Variants in TANC1 observed in about 807,000 individuals in gnomAD.
TANC1 encodes protein TANC1.
In TANC1, 77 loss-of-function variants were observed where a neutral mutation model predicts 149.7. The ratio of observed to expected loss-of-function variants is 0.51; its 90% CI spans 0.43 to 0.62. TANC1 has a LOEUF of 0.62. Among genes scored for constraint, TANC1 ranks in the 20% least tolerant of loss-of-function variants. The pLI is 0.00. For synonymous variants in TANC1, 854 were observed against 925.0 expected (o/e 0.92, Z 1.39); for missense variants, 1,985 against 2,321.8 (o/e 0.85, Z 2.98).
chr2:159,105,271 G>C (rs997149685), intron 4 of TANC1, among the ~76,000 whole-genome samples: 15 of 151,946 alleles, frequency 9.9e-5, no homozygotes, highest in Non-Finnish European at 1.9e-4. Context: ...TGGGATTACA[G>C]GCATGAGCCA....
In TANC1 at chr2:159,172,163, C is replaced by T; in HGVS notation, c.1394C>T (p.Ser465Leu). Residue 465 changes from serine (S) to leucine (L), a missense_variant, in exon 11 of 27, where the codon TCA becomes TTA. Coordinates refer to ENST00000263635, the MANE Select transcript of TANC1 (RefSeq NM_033394.3). ...GATCTTCATTTCACTCCGTTGCTTT[C>T]ACCGAGTTCTTCCACAAGTGCTTCC... ...TQDLHFTPLL[S>L]PSSSTSASST... is the part of the protein sequence containing the mutation. The T allele has an allele frequency of 1.9e-6, 3 of 1,614,212 alleles. No individual in the cohort carries two copies. Among genetic ancestry groups the T allele is most frequent in the Non-Finnish European group, 2.5e-6 (3 of 1,180,024 alleles).
At chr2:159,097,283 G>C (rs891925819) in intron 3 of TANC1, among the ~76,000 whole-genome samples, 1 of 152,200 alleles carries the variant, frequency 6.6e-6, no homozygotes, top group East Asian at 1.9e-4. Context: ...CTCATGTAAG[G>C]CTAGTAAGCC....
intron 14 of TANC1, among the ~76,000 whole-genome samples, chr2:159,180,418 G>A (rs35614068): frequency 0.02 from 2,984 of 152,328 alleles, 43 homozygotes; most frequent in Non-Finnish European, 0.032. Context: ...TTGTTACTGG[G>A]TTGGAGGCTA....
chr2:159,120,165 C>G (rs557744916), intron 4 of TANC1, among the ~76,000 whole-genome samples: 49 of 152,226 alleles, frequency 3.2e-4, no homozygotes, highest in African/African-American at 1.2e-3. Context: ...GGAGTTGAGT[C>G]TGCTGGGGGA....
chr2:159,216,499 C>T (rs998684964), intron 19 of TANC1, among the ~76,000 whole-genome samples: 46 of 152,140 alleles, frequency 3.0e-4, no homozygotes, highest in African/African-American at 9.9e-4. Flanking sequence ...GTTTCTGCCA[C>T]CTCCTCCGTC....
intron 5 of TANC1, among the ~76,000 whole-genome samples, chr2:159,138,557 G>A (rs191516812): frequency 1.5e-3 from 222 of 152,318 alleles, no homozygotes; most frequent in African/African-American, 5.2e-3. Context: ...AACTAATTGA[G>A]TTTGAGTGTT....
chr2:159,208,051 C>T (rs1026696188), intron 19 of TANC1, among the ~76,000 whole-genome samples: 5 of 152,112 alleles, frequency 3.3e-5, no homozygotes, highest in African/African-American at 1.2e-4. Flanking sequence ...GATGATATAA[C>T]CCCTGTGACT....
Position 159,104,311 on chromosome 2 carries a change from G to GT in TANC1, c.259+6479dup, listed in dbSNP as rs1267000272. 2.1e-5 allele frequency among the ~76,000 whole-genome samples: 2 copies of GT among 95,066 alleles called. 1 individual carries two copies. Among genetic ancestry groups the GT allele is most frequent in the East Asian group, 4.6e-4 (2 of 4,310 alleles). The allele number at this position is 95,066 out of a possible 152,430, so 62.4% of individuals were successfully genotyped here. On this transcript the variant is annotated intron_variant, in intron 4 of 26. Transcript: ENST00000263635. ...TTTATTCCCCTGCCAATGAGTCCTG[G>GT]TTCACCTGTATACAATTTGGCTATA... is the stretch of plus-strand genomic sequence containing the variant.
chr2:159,128,635 G>T (rs2049749713), intron 4 of TANC1, among the ~76,000 whole-genome samples: 1 of 152,076 alleles, frequency 6.6e-6, no homozygotes, highest in Non-Finnish European at 1.5e-5. Flanking sequence ...CTCAACTCAG[G>T]CAAGAGACAA....
At chr2:159,159,502 G>A (rs1286614024) in intron 7 of TANC1, among the ~76,000 whole-genome samples, 2 of 151,574 alleles carry the variant, frequency 1.3e-5, no homozygotes, top group Non-Finnish European at 2.9e-5. Context: ...TCAGAGCCTT[G>A]CAGAGCAAAG....
chr2:159,174,875 G>A (rs1293683681), intron 11 of TANC1, 78 bp from the exon 12 acceptor site: 7 of 1,107,794 alleles, frequency 6.3e-6, no homozygotes, highest in African/African-American at 3.1e-5. Flanking sequence ...AATGGGCAGA[G>A]TTGTGTTCCT....
chr2:159,172,369 A>G, intron 11 of TANC1, 97 bp downstream of exon 11: 3 of 1,096,534 alleles, frequency 2.7e-6, no homozygotes, highest in Non-Finnish European at 3.9e-6. Context: ...AAACAGAGAC[A>G]ACTGCTTAAT....
Position 159,219,673 on chromosome 2 carries a change from G to A in TANC1, c.3503-19G>A. On this transcript the variant is annotated intron_variant, in intron 21 of 26. Coordinates refer to ENST00000263635, the MANE Select transcript of TANC1 (RefSeq NM_033394.3). ...TCATCTCATAATGTTCATGTTCTGT[G>A]AATGGGCTTTCCTTTCAGGTGCAGC... 4 of 1,614,120 alleles carry A rather than the reference G, an allele frequency of 2.5e-6. No homozygotes were observed. Among genetic ancestry groups the A allele is most frequent in the Middle Eastern group, 1.6e-4 (1 of 6,062 alleles).
intron 16 of TANC1, among the ~76,000 whole-genome samples, chr2:159,191,662 T>C (rs1559428834): frequency 6.6e-6 from 1 of 152,212 alleles, no homozygotes; most frequent in Non-Finnish European, 1.5e-5. Context: ...GGTTCTAACC[T>C]GTCACTATGC....
Position 159,230,618 on chromosome 2 carries a change from C to T in TANC1, c.5192C>T (p.Ala1731Val), listed in dbSNP as rs765734612. ...TTCATGGGCATCATGGATAAGACTG[C>T]GAGGTTCCAACAGCAGAGCAATCCT... ...TPFMGIMDKTARFQQQSNPPS... is the reference protein window; with the variant it reads ...TPFMGIMDKTVRFQQQSNPPS... Residue 1731 changes from alanine (A) to valine (V), a missense_variant, in exon 27 of 27, where the codon GCG becomes GTG. Physicochemically the swap from Ala to Val is moderately conservative, Grantham distance 64. Coordinates refer to ENST00000263635, the MANE Select transcript of TANC1 (RefSeq NM_033394.3). This position sits in a 1 kb window ranked among gnomAD's most constrained non-coding sequence, Gnocchi z 4.4. 20 of 1,614,140 alleles carry T rather than the reference C, an allele frequency of 1.2e-5. No homozygotes were observed. In the East Asian group the frequency reaches 1.8e-4, roughly 14 times the overall value.
intron 2 of TANC1, among the ~76,000 whole-genome samples, chr2:159,009,371 T>A (rs2037537058): frequency 6.6e-6 from 1 of 152,114 alleles, no homozygotes; most frequent in Non-Finnish European, 1.5e-5. Context: ...TAAGTGTCCA[T>A]CAGCAGATGA....
chr2:158,975,220 G>A (rs1332574786), intron 1 of TANC1, among the ~76,000 whole-genome samples: 1 of 151,960 alleles, frequency 6.6e-6, no homozygotes, highest in Admixed American at 6.6e-5. Context: ...TCAGTTACTA[G>A]AATATTTTTT....
intron 1 of TANC1, among the ~76,000 whole-genome samples, chr2:158,983,487 A>G (rs1057152218): frequency 6.9e-6 from 1 of 145,944 alleles, no homozygotes; most frequent in African/African-American, 2.5e-5. Flanking sequence ...AAAAAAAAAA[A>G]CACCAAACAA....
At chr2:159,133,856 C>T (rs1043740901) in intron 4 of TANC1, among the ~76,000 whole-genome samples, 3 of 152,134 alleles carry the variant, frequency 2.0e-5, no homozygotes, top group Non-Finnish European at 4.4e-5. Flanking sequence ...GAAATACCGT[C>T]CTTATTTGTA....
Sources: allele counts gnomAD v4.1 joint callset (sites outside exome capture counted in the v4.1 genomes callset), GRCh38; gene constraint gnomAD v4.1.1; non-coding constraint Gnocchi (gnomAD v3.1); transcripts MANE v1.5; gene names NCBI Gene and HGNC (gene_info 2026-07-23, HGNC 2026-07-21).